CAP2: variants seen among roughly 807,000 people sequenced by gnomAD.
The protein encoded by CAP2 is cyclase associated actin cytoskeleton regulatory protein 2.
In CAP2, 24 loss-of-function variants were observed where a neutral mutation model predicts 57.7. The ratio of observed to expected loss-of-function variants is 0.42; its 90% confidence interval spans 0.30 to 0.58. The LOEUF (loss-of-function observed/expected upper bound fraction) is 0.58. CAP2 is among the 20% of genes least tolerant of loss of function. The pLI is 0.22. For synonymous variants in CAP2, 194 were observed against 207.2 expected, an observed-to-expected ratio of 0.94 and a Z score of 0.55; for missense variants, 501 against 590.3, an observed-to-expected ratio of 0.85 and a Z score of 1.57.
chr6:17,517,598 C>T (rs962087880), intron 7 of CAP2, among the ~76,000 whole-genome samples: 5 of 152,158 alleles, frequency 3.3e-5, no homozygotes, highest in African/African-American at 1.2e-4. Flanking sequence ...TCATATCTCA[C>T]ATTTTTTAAA....
intron 3 of CAP2, among the ~76,000 whole-genome samples, chr6:17,437,592 T>A (rs1013266230): frequency 6.6e-6 from 1 of 152,090 alleles, no homozygotes; most frequent in East Asian, 1.9e-4. Flanking sequence ...TGTTTAAGGG[T>A]CACAGGCTGG....
At chr6:17,535,807 T>C (rs1762759057) in intron 7 of CAP2, among the ~76,000 whole-genome samples, 1 of 152,188 alleles carries the variant, frequency 6.6e-6, no homozygotes, top group African/African-American at 2.4e-5. Flanking sequence ...GGAAAGAATG[T>C]TTATTCCCAA....
chr6:17,498,259 T>C (rs530146379), intron 4 of CAP2, among the ~76,000 whole-genome samples: 4 of 152,322 alleles, frequency 2.6e-5, no homozygotes, highest in Admixed American at 6.5e-5. Context: ...AAAAAACGTG[T>C]CTACTGTTCA....
intron 3 of CAP2, among the ~76,000 whole-genome samples, chr6:17,435,733 C>CA (rs1215274639): frequency 1.1e-3 from 79 of 72,174 alleles, no homozygotes; most frequent in South Asian, 6.2e-3. Flanking sequence ...AAAAAAAAAA[C>CA]AAAAAAAAAA....
chr6:17,414,468 A>G (rs115836392), intron 1 of CAP2, among the ~76,000 whole-genome samples: 3,667 of 152,030 alleles, frequency 0.024, 106 homozygotes, highest in African/African-American at 0.07. Context: ...TGTATTCTCA[A>G]TGTTCAGCCC....
intron 4 of CAP2, among the ~76,000 whole-genome samples, chr6:17,477,536 ACCT>A (rs1381076139): frequency 6.6e-6 from 1 of 152,116 alleles, no homozygotes; most frequent in Non-Finnish European, 1.5e-5. Context: ...GTCTCTGAAA[ACCT>A]CCTCTTGTCT....
chr6:17,442,611 G>T lies in CAP2; in HGVS notation c.222+15921G>T, dbSNP rs577516893. On this transcript the variant is annotated intron_variant, in intron 3 of 12. Transcript: ENST00000229922. ...GCCAGAAGTTCCTGAGAGCTGGCTGGGTGTGGTGGTTCAGGCCTGTAATCC... is the reference window on the plus strand; with the variant it reads ...GCCAGAAGTTCCTGAGAGCTGGCTGTGTGTGGTGGTTCAGGCCTGTAATCC... Among the ~76,000 whole-genome samples, 6 of 152,286 alleles carry T rather than the reference G, an allele frequency of 3.9e-5. No individual in the cohort carries two copies. The East Asian group carries it at 1.2e-3, about 29-fold the overall frequency.
At chr6:17,406,420 G>A (rs1045008586) in intron 1 of CAP2, among the ~76,000 whole-genome samples, 14 of 66,536 alleles carry the variant, frequency 2.1e-4, no homozygotes, top group African/African-American at 1.5e-3. Flanking sequence ...TTTTGAGGCA[G>A]TCTCACTCTG....
intron 3 of CAP2, among the ~76,000 whole-genome samples, chr6:17,459,917 G>T (rs921848757): frequency 3.3e-5 from 5 of 152,068 alleles, no homozygotes; most frequent in African/African-American, 1.2e-4. Flanking sequence ...CCTGAATAGA[G>T]ACTCTAACAA....
At position 17,421,599 on chromosome 6, in the gene CAP2, T is replaced by C. The variant is rs1759448982; in HGVS notation, c.44T>C (p.Val15Ala). The change falls in exon 2 of 13, where the codon GTC becomes GCC. Residue 15 changes from valine to alanine, a missense_variant. By Grantham distance (64) the Val-to-Ala change is moderately conservative (BLOSUM62 0). Transcript: ENST00000229922. ...QGLVERLERA[V>A]SRLESLSAES... ...CTGGTGGAAAGACTGGAACGAGCTG[T>C]CAGCCGCCTGGAGTCGCTGTCTGCA... 4 of 1,614,042 alleles carry C rather than the reference T, an allele frequency of 2.5e-6. No individual in the cohort carries two copies. Among genetic ancestry groups the C allele is most frequent in the Non-Finnish European group, 3.4e-6 (4 of 1,180,006 alleles).
At chr6:17,498,524 T>C (rs1332229714) in intron 4 of CAP2, among the ~76,000 whole-genome samples, 1 of 152,172 alleles carries the variant, frequency 6.6e-6, no homozygotes, top group East Asian at 1.9e-4. Flanking sequence ...ACTTCAGGGC[T>C]GCCCCGGAGG....
chr6:17,479,387 A>T (rs780913432), intron 4 of CAP2, among the ~76,000 whole-genome samples: 3 of 152,086 alleles, frequency 2.0e-5, no homozygotes, highest in African/African-American at 2.4e-5. Flanking sequence ...CTGAGTCCTG[A>T]TGATGCCCTA....
chr6:17,416,691 A>G (rs1040220783), intron 1 of CAP2, among the ~76,000 whole-genome samples: 1 of 152,258 alleles, frequency 6.6e-6, no homozygotes, highest in African/African-American at 2.4e-5. Context: ...GGGTGTGATT[A>G]TCAAAGAAAC....
chr6:17,518,631 T>C (rs1762322891), intron 7 of CAP2, among the ~76,000 whole-genome samples: 1 of 152,008 alleles, frequency 6.6e-6, no homozygotes, highest in Non-Finnish European at 1.5e-5. Context: ...AGATTTTTTT[T>C]TTAATTTAAT....
chr6:17,509,485 C>A (rs746429733), intron 6 of CAP2, among the ~76,000 whole-genome samples: 4 of 152,084 alleles, frequency 2.6e-5, no homozygotes, highest in Non-Finnish European at 5.9e-5. Flanking sequence ...CATGACCAGC[C>A]TGGCCAACAT....
intron 4 of CAP2, among the ~76,000 whole-genome samples, chr6:17,476,997 G>A (rs554417795): frequency 4.7e-5 from 7 of 149,484 alleles, no homozygotes; most frequent in South Asian, 2.1e-4. Context: ...TCAGCCTCCC[G>A]AGTAGCTGGG....
intron 4 of CAP2, among the ~76,000 whole-genome samples, chr6:17,502,827 C>A (rs1761862139): frequency 6.6e-6 from 1 of 152,142 alleles, no homozygotes; most frequent in Admixed American, 6.6e-5. Context: ...TATGACTTAG[C>A]AAATTGTTGG....
intron 11 of CAP2, among the ~76,000 whole-genome samples, chr6:17,544,024 C>G (rs1007890591): frequency 9.4e-5 from 14 of 149,692 alleles, no homozygotes; most frequent in Non-Finnish European, 1.8e-4. Flanking sequence ...ACTTGGGAGG[C>G]TGAGACAGGA....
chr6:17,465,268 T>C lies in CAP2; in HGVS notation c.300+2195T>C, dbSNP rs148061509. Among the ~76,000 whole-genome samples, 197 of 152,270 alleles carry C rather than the reference T, an allele frequency of 1.3e-3. No homozygotes were observed. In the South Asian group the frequency reaches 0.023, roughly 18 times the overall value. On this transcript the variant is annotated intron_variant, in intron 4 of 12. Coordinates refer to ENST00000229922, the MANE Select transcript of CAP2 (RefSeq NM_006366.3). Reference sequence around the variant, plus strand: ...AGTGCAGTGGTGCAATCCTAACTCATTGTAGTCTCAAATTCATGGCCTCAA... The same window carrying C: ...AGTGCAGTGGTGCAATCCTAACTCACTGTAGTCTCAAATTCATGGCCTCAA...
Sources: allele counts gnomAD v4.1 joint callset (sites outside exome capture counted in the v4.1 genomes callset), GRCh38; gene constraint gnomAD v4.1.1; transcripts MANE v1.5; gene names NCBI Gene and HGNC (gene_info 2026-07-23, HGNC 2026-07-21).